The following GHR variants were observed in gnomAD, a reference collection of about 807,000 sequenced individuals.
GHR encodes the protein GH receptor.
In GHR, 35 loss-of-function variants were observed where a neutral mutation model predicts 67.1. The ratio of observed to expected loss-of-function variants is 0.52; its 90% confidence interval spans 0.40 to 0.69. The LOEUF (loss-of-function observed/expected upper bound fraction) is 0.69. GHR is among the 30% of genes least tolerant of loss of function. The pLI is 0.00. For missense variants in GHR, 792 were observed against 764.6 expected (o/e 1.04, Z -0.42); for synonymous variants, 272 against 269.1 (o/e 1.01, Z -0.10).
intron 1 of GHR, among the ~76,000 whole-genome samples, chr5:42,560,939 A>G (rs952847936): frequency 6.6e-6 from 1 of 152,170 alleles, no homozygotes; most frequent in African/African-American, 2.4e-5. Flanking sequence ...AGGAAAACCC[A>G]CTTTTGCACA....
At chr5:42,447,801 C>A (rs1222165538) in intron 1 of GHR, among the ~76,000 whole-genome samples, 2 of 150,522 alleles carry the variant, frequency 1.3e-5, no homozygotes, top group African/African-American at 4.9e-5. Context: ...TCTAGCCCTG[C>A]CACCCAGGCT....
At chr5:42,651,222 C>G (rs1755004117) in intron 3 of GHR, among the ~76,000 whole-genome samples, 1 of 152,188 alleles carries the variant, frequency 6.6e-6, no homozygotes, top group African/African-American at 2.4e-5. Flanking sequence ...GGCAAAGGCT[C>G]TACTTCTTTT....
intron 1 of GHR, among the ~76,000 whole-genome samples, chr5:42,459,565 A>G (rs1194067985): frequency 6.6e-6 from 1 of 152,164 alleles, no homozygotes; most frequent in East Asian, 1.9e-4. Context: ...ATCAGATACT[A>G]TGCTTATTAC....
chr5:42,525,083 T>C (rs1337895472), intron 1 of GHR, among the ~76,000 whole-genome samples: 1 of 152,214 alleles, frequency 6.6e-6, no homozygotes, highest in Admixed American at 6.5e-5. Flanking sequence ...GCTGGGGCAC[T>C]GCCTAGTGAA....
At chr5:42,690,140 C>T (rs2111667376) in intron 4 of GHR, among the ~76,000 whole-genome samples, 2 of 152,312 alleles carry the variant, frequency 1.3e-5, no homozygotes, top group Middle Eastern at 6.8e-3. Flanking sequence ...TAGTGAGGAC[C>T]CTTTATCCTT....
chr5:42,470,132 A>G (rs1744937717), intron 1 of GHR, among the ~76,000 whole-genome samples: 1 of 132,292 alleles, frequency 7.6e-6, no homozygotes, highest in African/African-American at 3.0e-5. Context: ...AATATATGTT[A>G]TTACATTAAT....
At chr5:42,538,097 A>G (rs752257151) in intron 1 of GHR, among the ~76,000 whole-genome samples, 2 of 152,066 alleles carry the variant, frequency 1.3e-5, no homozygotes, top group Non-Finnish European at 2.9e-5. Flanking sequence ...TTGGTTGGTG[A>G]GTTCTTATCT....
intron 2 of GHR, among the ~76,000 whole-genome samples, chr5:42,578,133 T>G (rs1351545183): frequency 6.6e-6 from 1 of 152,104 alleles, no homozygotes; most frequent in Non-Finnish European, 1.5e-5. Flanking sequence ...TATCAGCAGT[T>G]GTGACCTCGT....
chr5:42,648,380 G>T (rs578050741), intron 3 of GHR, among the ~76,000 whole-genome samples: 1 of 152,268 alleles, frequency 6.6e-6, no homozygotes, highest in South Asian at 2.1e-4. Flanking sequence ...CTAGGGTGAG[G>T]GGACATGGCC....
rs34586329 is a variant in GHR at position 42,561,550 on chromosome 5, T to C, written c.-11-4314T>C. On this transcript the variant is annotated intron_variant, in intron 1 of 9. Coordinates refer to ENST00000230882, the MANE Select transcript of GHR (RefSeq NM_000163.5). Reference sequence around the variant, plus strand: ...AGCCAAAGAATAAGTTAGTATATCATGGGCCTAATTATGTAATTTGGAGGC... The same window carrying C: ...AGCCAAAGAATAAGTTAGTATATCACGGGCCTAATTATGTAATTTGGAGGC... Among the ~76,000 whole-genome samples the C allele has an allele frequency of 8.5e-3, 1,302 of 152,352 alleles. 15 individuals are homozygous for C. Among genetic ancestry groups the C allele is most frequent in the African/African-American group, 0.03 (1,244 of 41,592 alleles).
intron 1 of GHR, among the ~76,000 whole-genome samples, chr5:42,454,761 C>T (rs1316328764): frequency 1.3e-5 from 2 of 152,110 alleles, no homozygotes; most frequent in Non-Finnish European, 2.9e-5. Context: ...TTGTGGAACT[C>T]AGTCTTACTC....
chr5:42,679,190 T>C (rs1489454134), intron 3 of GHR, among the ~76,000 whole-genome samples: 1 of 144,976 alleles, frequency 6.9e-6, no homozygotes, highest in Non-Finnish European at 1.5e-5. Context: ...TTGTATATTA[T>C]ATATTAATAA....
chr5:42,596,443 A>G (rs1752076299), intron 2 of GHR, among the ~76,000 whole-genome samples: 1 of 152,220 alleles, frequency 6.6e-6, no homozygotes, highest in Non-Finnish European at 1.5e-5. Context: ...ACCCATGAAA[A>G]CAGCGGCAGA....
intron 2 of GHR, among the ~76,000 whole-genome samples, chr5:42,569,274 A>G (rs1750127762): frequency 6.6e-6 from 1 of 152,216 alleles, no homozygotes; most frequent in Non-Finnish European, 1.5e-5. Flanking sequence ...GTTCTATTTT[A>G]TGCATTTAAC....
At chr5:42,564,485 A>C (rs1379483909) in intron 1 of GHR, among the ~76,000 whole-genome samples, 1 of 152,250 alleles carries the variant, frequency 6.6e-6, no homozygotes, top group Non-Finnish European at 1.5e-5. Context: ...TGTATGAAGG[A>C]GAGTTCCTCA....
intron 2 of GHR, among the ~76,000 whole-genome samples, chr5:42,573,989 T>G (rs1750488055): frequency 6.6e-6 from 1 of 152,214 alleles, no homozygotes; most frequent in African/African-American, 2.4e-5. Context: ...GTTTGCCACA[T>G]TATATTTTCC....
chr5:42,540,836 AC>A (rs986725949), intron 1 of GHR, among the ~76,000 whole-genome samples: 2 of 151,890 alleles, frequency 1.3e-5, no homozygotes, highest in African/African-American at 4.8e-5. Flanking sequence ...TCCCACAACA[AC>A]CAATATCAGT....
At chr5:42,708,872 C>A (rs1228660053) in intron 6 of GHR, among the ~76,000 whole-genome samples, 2 of 152,030 alleles carry the variant, frequency 1.3e-5, no homozygotes, top group African/African-American at 4.8e-5. Context: ...TTAGGTAGAC[C>A]AAAGGGGTCA....
intron 4 of GHR, among the ~76,000 whole-genome samples, chr5:42,689,659 G>A (rs779826462): frequency 1.3e-5 from 2 of 152,160 alleles, no homozygotes; most frequent in Non-Finnish European, 2.9e-5. Flanking sequence ...AAAAAGGCCA[G>A]CACTGAAGGC....
Sources: allele counts gnomAD v4.1 joint callset (sites outside exome capture counted in the v4.1 genomes callset), GRCh38; gene constraint gnomAD v4.1.1; transcripts MANE v1.5; gene names NCBI Gene and HGNC (gene_info 2026-07-23, HGNC 2026-07-21).